RORA: variants seen among roughly 807,000 people sequenced by gnomAD.
RORA encodes RAR related orphan receptor A.
RORA carries 7 observed loss-of-function variants against 69.5 expected under a neutral mutation model. The ratio of observed to expected loss-of-function variants is 0.10; its 90% CI spans 0.06 to 0.19. RORA has a LOEUF of 0.19. RORA is among the 10% of genes least tolerant of loss of function. The probability of loss-of-function intolerance (pLI) is 1.00; values close to 1 mark genes in which losing one functional copy is unlikely to be tolerated. For missense variants in RORA, 457 were observed against 663.0 expected (o/e 0.69, Z 3.41); for synonymous variants, 261 against 240.8 (o/e 1.08, Z -0.78).
intron 1 of RORA, among the ~76,000 whole-genome samples, chr15:61,007,589 T>C (rs1894945658): frequency 1.3e-5 from 2 of 151,808 alleles, no homozygotes; most frequent in East Asian, 1.9e-4. Context: ...AAATTACCTA[T>C]ACCTTTACGG....
chr15:61,062,621 C>T (rs945450955), intron 1 of RORA, among the ~76,000 whole-genome samples: 5 of 152,126 alleles, frequency 3.3e-5, no homozygotes, highest in African/African-American at 4.8e-5. Flanking sequence ...CTCAGATGGG[C>T]GGCCTTCAGG....
At chr15:60,859,623 C>G (rs1041421513) in intron 1 of RORA, among the ~76,000 whole-genome samples, 1 of 148,600 alleles carries the variant, frequency 6.7e-6, no homozygotes, top group Non-Finnish European at 1.5e-5. Context: ...ACACGACACC[C>G]GGGTTTTTTT....
At chr15:60,694,607 G>A (rs781563192) in intron 1 of RORA, among the ~76,000 whole-genome samples, 14 of 152,172 alleles carry the variant, frequency 9.2e-5, no homozygotes, top group South Asian at 2.1e-4. Flanking sequence ...GAGGGGCCTC[G>A]CCCAAACCTC....
chr15:61,161,315 G>T (rs1237539665), intron 1 of RORA, among the ~76,000 whole-genome samples: 1 of 152,152 alleles, frequency 6.6e-6, no homozygotes, highest in Non-Finnish European at 1.5e-5. Flanking sequence ...TTGATCCAGG[G>T]TTTGATTTTA....
chr15:60,779,131 T>C (rs2072217261), intron 1 of RORA, among the ~76,000 whole-genome samples: 1 of 152,210 alleles, frequency 6.6e-6, no homozygotes, highest in South Asian at 2.1e-4. Flanking sequence ...ATTGGACTTC[T>C]AGTCAGTAAG....
chr15:60,729,656 T>G (rs954067613), intron 1 of RORA, among the ~76,000 whole-genome samples: 23 of 152,218 alleles, frequency 1.5e-4, no homozygotes, highest in Non-Finnish European at 2.9e-5. Context: ...GAACCCTGTC[T>G]GTATTACCTT....
intron 5 of RORA, among the ~76,000 whole-genome samples, chr15:60,507,313 G>A (rs983327651): frequency 1.3e-5 from 2 of 152,154 alleles, no homozygotes; most frequent in African/African-American, 4.8e-5. Flanking sequence ...ACACTAGGGA[G>A]AATATCTTTT....
chr15:61,040,112 TGATA>T (rs1179060835), intron 1 of RORA, among the ~76,000 whole-genome samples: 11 of 57,626 alleles, frequency 1.9e-4, no homozygotes, highest in Non-Finnish European at 3.0e-4. Context: ...TCACAAGCTT[TGATA>T]TATATATATA....
intron 2 of RORA, among the ~76,000 whole-genome samples, chr15:60,629,718 C>T (rs2069691118): frequency 6.6e-6 from 1 of 152,124 alleles, no homozygotes; most frequent in South Asian, 2.1e-4. Flanking sequence ...GGGCAAAGGC[C>T]AGCAATGTAC....
Position 61,035,790 on chromosome 15 carries a change from G to A in RORA, c.166+193263C>T, listed in dbSNP as rs953085591. On this transcript the variant is annotated intron_variant, in intron 1 of 10. Transcript: ENST00000335670. ...GAAGGTGGATACAAATACACAAACA[G>A]AAGCATTTCTAAGCAACTGGGCAGA... 2.7e-4 allele frequency among the ~76,000 whole-genome samples: 41 copies of A among 152,202 alleles called. 2 individuals carry two copies. Among genetic ancestry groups the A allele is most frequent in the Admixed American group, 2.7e-3 (41 of 15,282 alleles).
chr15:60,705,519 A>T (rs942432686), intron 1 of RORA, among the ~76,000 whole-genome samples: 2 of 152,226 alleles, frequency 1.3e-5, no homozygotes, highest in African/African-American at 4.8e-5. Context: ...AAATGAACAA[A>T]CTTAGAACTG....
At chr15:60,526,224 A>C (rs1271949510) in intron 3 of RORA, among the ~76,000 whole-genome samples, 1 of 152,172 alleles carries the variant, frequency 6.6e-6, no homozygotes, top group Non-Finnish European at 1.5e-5. Context: ...GTAGAATTGT[A>C]TGCGCAAGTG....
chr15:60,615,172 T>G (rs901246091), intron 2 of RORA: 23 of 986,256 alleles, frequency 2.3e-5, no homozygotes, highest in Non-Finnish European at 3.2e-5. Flanking sequence ...CTAGTGCACT[T>G]GGCAGAGCTG....
At position 60,616,536 on chromosome 15, in the gene RORA, C is replaced by A. The variant is rs537025765; in HGVS notation, c.196+62121G>T. 3.3e-5 allele frequency among the ~76,000 whole-genome samples: 5 copies of A among 152,248 alleles called. No individual in the cohort carries two copies. The South Asian group carries it at 1.0e-3, about 32-fold the overall frequency. On this transcript the variant is annotated intron_variant, in intron 2 of 10. Transcript: ENST00000335670. ...GTCCTTGTGAAGGCTCAGAAAGAAA[C>A]AAGAGCCGGGAAGAGCAGCAGAGGG...
In RORA at chr15:60,502,748, A is replaced by C; in HGVS notation, c.1183+12T>G. The C allele has an allele frequency of 6.5e-7, 1 of 1,532,898 alleles. No individual in the cohort carries two copies. The highest frequency in any genetic ancestry group is 9.0e-7 in the Non-Finnish European group (1 of 1,106,410). 95.0% of individuals were successfully genotyped at this position (1,532,898 alleles called of 1,614,324 possible). On this transcript the variant is annotated intron_variant, in intron 8 of 10. Coordinates refer to ENST00000335670, the MANE Select transcript of RORA (RefSeq NM_134261.3). ...CCTGATTTGAAGAAAAGGCACCTTG[A>C]TATCCCCTTACCTAAGGATTTGAAG...
intron 2 of RORA, among the ~76,000 whole-genome samples, chr15:60,544,460 C>T (rs1299658538): frequency 6.6e-6 from 1 of 152,014 alleles, no homozygotes; most frequent in Admixed American, 6.5e-5. Flanking sequence ...CCGAACCCCT[C>T]GTGCTCTCCC....
At chr15:61,187,250 T>C (rs997520436) in intron 1 of RORA, among the ~76,000 whole-genome samples, 2 of 152,226 alleles carry the variant, frequency 1.3e-5, no homozygotes, top group African/African-American at 2.4e-5. Context: ...ACTACTAAAA[T>C]ACAAATTGTC....
intron 2 of RORA, among the ~76,000 whole-genome samples, chr15:60,624,727 AT>A (rs1436982468): frequency 6.6e-6 from 1 of 151,890 alleles, no homozygotes. Flanking sequence ...CTTTCAGGCA[AT>A]TTGGATAGAA....
chr15:61,135,678 C>T (rs971858569), intron 1 of RORA, among the ~76,000 whole-genome samples: 21 of 151,618 alleles, frequency 1.4e-4, no homozygotes, highest in African/African-American at 4.8e-4. Flanking sequence ...GCTGCTTTTG[C>T]CGGGTACCAG....
Sources: allele counts gnomAD v4.1 joint callset (sites outside exome capture counted in the v4.1 genomes callset), GRCh38; gene constraint gnomAD v4.1.1; transcripts MANE v1.5; gene names NCBI Gene and HGNC (gene_info 2026-07-23, HGNC 2026-07-21).